TUSC3: variants seen among roughly 807,000 people sequenced by gnomAD.
TUSC3 encodes tumor suppressor candidate 3, also known as dolichyl-diphosphooligosaccharide--protein glycosyltransferase subunit TUSC3.
Under a neutral mutation model 44.8 loss-of-function variants are expected in TUSC3, and 45 were observed. The ratio of observed to expected loss-of-function variants is 1.00; its 90% CI spans 0.79 to 1.29. The LOEUF (loss-of-function observed/expected upper bound fraction) is 1.29. Among genes scored for constraint, TUSC3 ranks in the 50% most tolerant of loss-of-function variants. The pLI, the probability that TUSC3 is intolerant of heterozygous loss-of-function variation, is 0.00. For missense variants in TUSC3, 519 were observed against 437.9 expected (o/e 1.19, Z -1.65); for synonymous variants, 212 against 152.9 (o/e 1.39, Z -2.85).
chr8:15,469,897 A>T (rs1800462453), intron 1 of TUSC3, among the ~76,000 whole-genome samples: 1 of 152,134 alleles, frequency 6.6e-6, no homozygotes, highest in Non-Finnish European at 1.5e-5. Flanking sequence ...GTCTGAAAAG[A>T]CTCTACACTA....
intron 2 of TUSC3, among the ~76,000 whole-genome samples, chr8:15,624,915 A>G (rs1805423774): frequency 6.6e-6 from 1 of 152,134 alleles, no homozygotes; most frequent in Admixed American, 6.5e-5. Flanking sequence ...AAAATTTTCT[A>G]GTTTGATGTT....
intron 7 of TUSC3, among the ~76,000 whole-genome samples, chr8:15,732,566 A>C (rs200539203): frequency 2.1e-5 from 1 of 47,378 alleles, no homozygotes; most frequent in Non-Finnish European, 4.5e-5. Flanking sequence ...GATGACCAGG[A>C]AAAAAAAAAT....
chr8:15,534,527 C>A (rs1042926196), intron 2 of TUSC3, among the ~76,000 whole-genome samples: 1 of 151,762 alleles, frequency 6.6e-6, no homozygotes, highest in African/African-American at 2.4e-5. Context: ...CCTGTAGTCC[C>A]AGCTACTCGG....
chr8:15,523,706 G>A (rs375459201), intron 2 of TUSC3, among the ~76,000 whole-genome samples: 69,839 of 111,962 alleles, frequency 0.62, 22,988 homozygotes, highest in African/African-American at 0.66. Flanking sequence ...GTGTGTGTGT[G>A]TGTATATATA....
chr8:15,693,196 C>G (rs1329246170), intron 6 of TUSC3, among the ~76,000 whole-genome samples: 2 of 152,174 alleles, frequency 1.3e-5, no homozygotes, highest in African/African-American at 4.8e-5. Flanking sequence ...ATCCTGTCAT[C>G]CTACTGTTAG....
intron 8 of TUSC3, among the ~76,000 whole-genome samples, chr8:15,745,419 C>G (rs1811371117): frequency 6.6e-6 from 1 of 151,990 alleles, no homozygotes; most frequent in South Asian, 2.1e-4. Context: ...ATTTACATTC[C>G]CGACAACAGT....
At chr8:15,661,108 A>G (rs1317801487) in intron 4 of TUSC3, among the ~76,000 whole-genome samples, 2 of 151,952 alleles carry the variant, frequency 1.3e-5, no homozygotes, top group African/African-American at 4.8e-5. Context: ...GCAGACACAT[A>G]TGCACAATTT....
At chr8:15,630,503 A>C (rs1805711589) in intron 2 of TUSC3, among the ~76,000 whole-genome samples, 1 of 152,172 alleles carries the variant, frequency 6.6e-6, no homozygotes. Context: ...TTAGATATGA[A>C]CAAAACTCGT....
chr8:15,606,917 TTG>T (rs34911405), intron 1 of TUSC3, among the ~76,000 whole-genome samples: 1,825 of 149,742 alleles, frequency 0.012, 45 homozygotes, highest in African/African-American at 0.043. Flanking sequence ...TAATAAAACA[TTG>T]TGTGTGTGTG....
chr8:15,512,922 A>T (rs996693586), intron 2 of TUSC3, among the ~76,000 whole-genome samples: 1 of 43,740 alleles, frequency 2.3e-5, no homozygotes, highest in Non-Finnish European at 5.4e-5. Flanking sequence ...ATGTATCTAT[A>T]TATATAATCA....
At chr8:15,659,029 C>A (rs1173875972) in intron 3 of TUSC3, among the ~76,000 whole-genome samples, 1 of 152,030 alleles carries the variant, frequency 6.6e-6, no homozygotes, top group Non-Finnish European at 1.5e-5. Flanking sequence ...AAAGTCTTTA[C>A]ATTTGTAATA....
intron 2 of TUSC3, among the ~76,000 whole-genome samples, chr8:15,523,656 ATATATATATGTGTGTGTGTGTGTG>A (rs58432040): frequency 0.13 from 12,054 of 93,304 alleles, 1,039 homozygotes; most frequent in African/African-American, 0.18. Context: ...ATATATATAT[ATATATATATGTGTGTGTGTGTGTG>A]TGTGTGTGTG....
intron 5 of TUSC3, among the ~76,000 whole-genome samples, chr8:15,671,320 G>A (rs75699855): frequency 6.6e-6 from 1 of 151,854 alleles, no homozygotes; most frequent in African/African-American, 2.4e-5. Context: ...TATGAATATA[G>A]TTAAATAAAA....
At chr8:15,710,376 A>G (rs1229047191) in intron 6 of TUSC3, among the ~76,000 whole-genome samples, 2 of 151,796 alleles carry the variant, frequency 1.3e-5, no homozygotes, top group South Asian at 2.1e-4. Flanking sequence ...TGTGTCTTCT[A>G]GTATAGGGCC....
the TUSC3 span, among the ~76,000 whole-genome samples, chr8:15,778,147 T>C: frequency 1.3e-5 from 2 of 151,258 alleles, no homozygotes; most frequent in Non-Finnish European, 2.9e-5. Context: ...CCGGCTAATA[T>C]CACCCTTGTT....
At chr8:15,662,052 A>G (rs954817346) in intron 4 of TUSC3, 104 bp from the exon 5 acceptor site, 30 of 1,293,936 alleles carry the variant, frequency 2.3e-5, no homozygotes, top group Non-Finnish European at 3.3e-5. Context: ...GTTGGGTGGC[A>G]TGTTTCTGAG....
chr8:15,847,170 A>T, the TUSC3 span, among the ~76,000 whole-genome samples: 2 of 152,196 alleles, frequency 1.3e-5, no homozygotes, highest in Non-Finnish European at 2.9e-5. Context: ...AAGCAGGGAG[A>T]GGCAGGGGAA....
intron 1 of TUSC3, among the ~76,000 whole-genome samples, chr8:15,436,222 C>T (rs1799943577): frequency 6.6e-6 from 1 of 152,112 alleles, no homozygotes; most frequent in Non-Finnish European, 1.5e-5. Flanking sequence ...AAGAATGTAG[C>T]CATAGAAGTC....
chr8:15,654,768 G>C (rs59454484), intron 3 of TUSC3, among the ~76,000 whole-genome samples: 1 of 151,994 alleles, frequency 6.6e-6, no homozygotes, highest in African/African-American at 2.4e-5. Context: ...TTGCCCTCCA[G>C]CCTGGGTGAC....
Sources: allele counts gnomAD v4.1 joint callset (sites outside exome capture counted in the v4.1 genomes callset), GRCh38; gene constraint gnomAD v4.1.1; transcripts MANE v1.5; gene names NCBI Gene and HGNC (gene_info 2026-07-23, HGNC 2026-07-21).